Variants in COL19A1 observed in about 807,000 individuals in gnomAD.
COL19A1 encodes the protein collagen type XIX alpha 1 chain.
Under a neutral mutation model 190.2 loss-of-function variants are expected in COL19A1, and 159 were observed. That is an observed-to-expected ratio of 0.84 (90% CI 0.73 to 0.95). COL19A1 has a LOEUF of 0.95. Ranked by LOEUF, COL19A1 falls within the 40% of genes least tolerant of loss-of-function variation. The probability of loss-of-function intolerance (pLI) is 0.00; values close to 1 mark genes in which losing one functional copy is unlikely to be tolerated. For missense variants in COL19A1, 1,418 were observed against 1,431.9 expected (o/e 0.99, Z 0.16); for synonymous variants, 509 against 458.9 (o/e 1.11, Z -1.39).
At chr6:70,152,019 CT>C (rs11302917) in intron 31 of COL19A1, among the ~76,000 whole-genome samples, 113,176 of 148,010 alleles carry the variant, frequency 0.76, 43,888 homozygotes, top group African/African-American at 0.91. Flanking sequence ...CTTGCTACCT[CT>C]TTTTTTTTTT....
chr6:69,985,587 A>G (rs1009303036), intron 11 of COL19A1, among the ~76,000 whole-genome samples: 7 of 152,178 alleles, frequency 4.6e-5, no homozygotes, highest in Admixed American at 1.3e-4. Flanking sequence ...GTAGCTGAGT[A>G]TATATGCAAA....
chr6:69,896,543 CAAAAAAAAAAAAAAA>C (rs61409385), intron 2 of COL19A1, among the ~76,000 whole-genome samples: 2 of 71,674 alleles, frequency 2.8e-5, no homozygotes, highest in African/African-American at 6.0e-5. Flanking sequence ...GACTCCGTCT[CAAAAAAAAAAAAAAA>C]AAAAAAAAAA....
Position 69,900,165 on chromosome 6 carries a change from G to A in COL19A1, c.167-74G>A, listed in dbSNP as rs1367157474. ...GAAGTGAATCAATTAATAGATAAGGGCAACACAAAATTCTGTTTAGAAATT... is the reference window on the plus strand; with the variant it reads ...GAAGTGAATCAATTAATAGATAAGGACAACACAAAATTCTGTTTAGAAATT... On this transcript the variant is annotated intron_variant, in intron 3 of 50. Coordinates refer to ENST00000620364, the MANE Select transcript of COL19A1 (RefSeq NM_001858.6). The A allele has an allele frequency of 1.1e-5, 10 of 928,854 alleles. No individual in the cohort carries two copies. In the Admixed American group the frequency reaches 2.3e-4, roughly 22 times the overall value. The allele number at this position is 928,854 out of a possible 1,614,324, so 57.5% of individuals were successfully genotyped here. A position where few individuals can be genotyped will look rare whatever the true frequency, so the allele number is the denominator to read the frequency against.
intron 44 of COL19A1, among the ~76,000 whole-genome samples, chr6:70,181,208 T>C (rs963827191): frequency 6.6e-6 from 1 of 152,192 alleles, no homozygotes; most frequent in East Asian, 1.9e-4. Context: ...GTGGTGTGTA[T>C]GGGAAAGAAG....
At chr6:69,872,951 T>A (rs1767926595) in intron 1 of COL19A1, among the ~76,000 whole-genome samples, 1 of 151,980 alleles carries the variant, frequency 6.6e-6, no homozygotes, top group South Asian at 2.1e-4. Context: ...ATCCTGAGAG[T>A]AAACATTATG....
In COL19A1 at chr6:70,140,982, G is replaced by A. The variant is rs1308868390; in HGVS notation, c.1475G>A (p.Gly492Glu). The part of the protein sequence containing the change: ...PGEPFTKGEK[G>E]DRGEPGVIGS... ...GAGCCTTTTACAAAAGGAGAAAAAGGAGATAGAGTAAGTAGATATTTTATC... is the reference window on the plus strand; with the variant it reads ...GAGCCTTTTACAAAAGGAGAAAAAGAAGATAGAGTAAGTAGATATTTTATC... The change falls in exon 20 of 51, where the codon GGA becomes GAA. Residue 492 changes from glycine to glutamate, a missense_variant. Gly to Glu is a moderately conservative substitution (Grantham distance 98). Coordinates refer to ENST00000620364, the MANE Select transcript of COL19A1 (RefSeq NM_001858.6). The A allele has an allele frequency of 2.5e-6, 4 of 1,609,714 alleles. No individual in the cohort carries two copies. In the East Asian group the frequency reaches 8.9e-5, roughly 36 times the overall value.
intron 9 of COL19A1, among the ~76,000 whole-genome samples, chr6:69,956,442 A>G (rs902459583): frequency 6.6e-6 from 1 of 152,012 alleles, no homozygotes; most frequent in Non-Finnish European, 1.5e-5. Context: ...AAAATATAGA[A>G]GGAAAAAATT....
chr6:69,971,530 T>C (rs976624172), intron 11 of COL19A1, among the ~76,000 whole-genome samples: 12 of 152,066 alleles, frequency 7.9e-5, no homozygotes, highest in Non-Finnish European at 1.5e-4. Flanking sequence ...TATTCCAAAA[T>C]CCAAAGCCAT....
rs1386790278 is a variant in COL19A1, at chr6:69,902,502, T to C, written c.266+2164T>C. Among the ~76,000 whole-genome samples the C allele has an allele frequency of 4.6e-5, 7 of 152,182 alleles. No homozygotes were observed. The East Asian group carries it at 1.2e-3, about 25-fold the overall frequency. ...TGCAGGGGCCTTCCAGATAGACATC[T>C]GTCAGGTCCACAACCCAGGTACTAA... is the stretch of plus-strand genomic sequence containing the variant. On this transcript the variant is annotated intron_variant, in intron 4 of 50. Coordinates refer to ENST00000620364, the MANE Select transcript of COL19A1 (RefSeq NM_001858.6).
chr6:70,163,249 C>T, intron 35 of COL19A1, 94 bp from the exon 36 acceptor site: 1 of 1,084,556 alleles, frequency 9.2e-7, no homozygotes, highest in Non-Finnish European at 1.4e-6. Flanking sequence ...GATCAAATGA[C>T]CTTCAAAATG....
intron 41 of COL19A1, among the ~76,000 whole-genome samples, chr6:70,174,033 T>C (rs1583086464): frequency 6.6e-6 from 1 of 151,778 alleles, no homozygotes; most frequent in East Asian, 1.9e-4. Context: ...GAAAGCAGAG[T>C]ATGGGGACAG....
chr6:70,180,219 C>A, intron 42 of COL19A1, 93 bp from the exon 43 acceptor site: 1 of 1,398,836 alleles, frequency 7.1e-7, no homozygotes, highest in Non-Finnish European at 1.0e-6. Context: ...CCCTTGGGAG[C>A]ACTATAAACT....
In COL19A1 at chr6:69,929,447, G is replaced by A. The variant is rs970920114; in HGVS notation, c.413G>A (p.Gly138Glu). 3.2e-5 allele frequency: 51 copies of A among 1,613,908 alleles called. No individual in the cohort carries two copies. Among genetic ancestry groups the A allele is most frequent in the East Asian group, 6.7e-5 (3 of 44,870 alleles). Reference sequence around the variant, plus strand: ...CAGATTTCTATAGTAGTTGATGGTGGAAAGAAGGTGGTGGAATTTATGTTT... The same window carrying A: ...CAGATTTCTATAGTAGTTGATGGTGAAAAGAAGGTGGTGGAATTTATGTTT... Reference protein sequence around the residue: ...IPQISIVVDGGKKVVEFMFQA... With the variant: ...IPQISIVVDGEKKVVEFMFQA... Residue 138 changes from glycine to glutamate, a missense_variant, in exon 6 of 51, where the codon GGA becomes GAA. Coordinates refer to ENST00000620364, the MANE Select transcript of COL19A1 (RefSeq NM_001858.6).
chr6:69,978,019 T>G (rs561857480), intron 11 of COL19A1, among the ~76,000 whole-genome samples: 33 of 152,332 alleles, frequency 2.2e-4, no homozygotes, highest in African/African-American at 7.5e-4. Flanking sequence ...ATCTTGCTCC[T>G]CAAATTGTCA....
intron 42 of COL19A1, among the ~76,000 whole-genome samples, chr6:70,179,165 T>C (rs889029102): frequency 6.6e-6 from 1 of 152,202 alleles, no homozygotes; most frequent in South Asian, 2.1e-4. Flanking sequence ...AACTTCTGCC[T>C]GCCTAGCTTT....
At chr6:70,045,971 G>A (rs1779889496) in intron 14 of COL19A1, among the ~76,000 whole-genome samples, 1 of 152,154 alleles carries the variant, frequency 6.6e-6, no homozygotes, top group Non-Finnish European at 1.5e-5. Flanking sequence ...TCTTCAGGTA[G>A]TTGTTCTACA....
chr6:69,911,576 A>C (rs944519102), intron 4 of COL19A1, among the ~76,000 whole-genome samples: 1 of 152,208 alleles, frequency 6.6e-6, no homozygotes, highest in Non-Finnish European at 1.5e-5. Context: ...TGGCTGGTTG[A>C]ATTTGAGACT....
In COL19A1 at chr6:70,033,497, G is replaced by A. The variant is rs575017930; in HGVS notation, c.1081-748G>A. Among the ~76,000 whole-genome samples the A allele has an allele frequency of 3.1e-4, 47 of 151,726 alleles. 1 individual carries two copies. Among genetic ancestry groups the A allele is most frequent in the South Asian group, 1.2e-3 (6 of 4,802 alleles). ...AGGATGTGTCTATCTAACTTTCTAC[G>A]TACACTGTGAATTCATGCAGCTGTA... On this transcript the variant is annotated intron_variant, in intron 12 of 50. Coordinates refer to ENST00000620364, the MANE Select transcript of COL19A1 (RefSeq NM_001858.6).
chr6:70,125,273 T>A (rs950427318), intron 17 of COL19A1, among the ~76,000 whole-genome samples: 4 of 152,226 alleles, frequency 2.6e-5, no homozygotes, highest in Non-Finnish European at 5.9e-5. Flanking sequence ...ATTTATGTGA[T>A]GTCTGCACTG....
Sources: allele counts gnomAD v4.1 joint callset (sites outside exome capture counted in the v4.1 genomes callset), GRCh38; gene constraint gnomAD v4.1.1; transcripts MANE v1.5; gene names NCBI Gene and HGNC (gene_info 2026-07-23, HGNC 2026-07-21).